The following CADM2 variants were observed in gnomAD, a reference collection of about 807,000 sequenced individuals.
CADM2 encodes cell adhesion molecule 2.
Under a neutral mutation model 49.8 loss-of-function variants are expected in CADM2, and 12 were observed. The observed-to-expected ratio is 0.24, with a 90% CI of 0.15 to 0.39. The LOEUF (loss-of-function observed/expected upper bound fraction) is 0.39. Ranked by LOEUF, CADM2 falls within the 10% of genes least tolerant of loss-of-function variation. The probability of loss-of-function intolerance (pLI) is 1.00; values close to 1 mark genes in which losing one functional copy is unlikely to be tolerated. For synonymous variants in CADM2, 214 were observed against 175.4 expected, an observed-to-expected ratio of 1.22 and a Z score of -1.74; for missense variants, 378 against 492.3, an observed-to-expected ratio of 0.77 and a Z score of 2.20.
chr3:85,729,074 C>A (rs1169576841), intron 2 of CADM2, among the ~76,000 whole-genome samples: 1 of 152,114 alleles, frequency 6.6e-6, no homozygotes, highest in African/African-American at 2.4e-5. Context: ...AATTATTCTC[C>A]AATGGCCAAA....
chr3:85,062,476 T>A (rs1261694303), intron 1 of CADM2, among the ~76,000 whole-genome samples: 2 of 152,050 alleles, frequency 1.3e-5, no homozygotes, highest in East Asian at 1.9e-4. Context: ...AATATTCCAT[T>A]TAAGAGAACC....
chr3:86,059,712 A>T (rs924584682), intron 8 of CADM2, among the ~76,000 whole-genome samples: 3 of 152,288 alleles, frequency 2.0e-5, no homozygotes, highest in Non-Finnish European at 2.9e-5. Flanking sequence ...ATGAAATAGG[A>T]GGTAGATGTG....
chr3:85,619,947 C>T (rs997028653), intron 1 of CADM2, among the ~76,000 whole-genome samples: 16 of 152,158 alleles, frequency 1.1e-4, no homozygotes, highest in African/African-American at 3.9e-4. Context: ...ACTTGTCAAC[C>T]GATAAAAATC....
chr3:85,170,399 C>T (rs534606842), intron 1 of CADM2, among the ~76,000 whole-genome samples: 233 of 149,724 alleles, frequency 1.6e-3, no homozygotes, highest in Non-Finnish European at 2.9e-3. Flanking sequence ...AGTGCAGTGG[C>T]GCGATCTCAG....
At chr3:85,567,681 G>A (rs936074527) in intron 1 of CADM2, among the ~76,000 whole-genome samples, 36 of 152,044 alleles carry the variant, frequency 2.4e-4, no homozygotes, top group Admixed American at 1.0e-3. Flanking sequence ...TAAGTGAGAA[G>A]GCAATTTTTA....
intron 8 of CADM2, among the ~76,000 whole-genome samples, chr3:86,052,084 A>T (rs945445183): frequency 1.3e-5 from 2 of 152,216 alleles, no homozygotes; most frequent in African/African-American, 4.8e-5. Context: ...AAGGTAGGAG[A>T]AAAGAATTAA....
intron 2 of CADM2, among the ~76,000 whole-genome samples, chr3:85,770,003 AAAAACAGC>A (rs1459807674): frequency 6.6e-6 from 1 of 151,958 alleles, no homozygotes; most frequent in African/African-American, 2.4e-5. Context: ...AACAAACAAA[AAAAACAGC>A]ATTTCTTCAG....
intron 1 of CADM2, among the ~76,000 whole-genome samples, chr3:85,659,715 T>G (rs2065340033): frequency 6.6e-6 from 1 of 152,158 alleles, no homozygotes; most frequent in Admixed American, 6.6e-5. Flanking sequence ...CAGGCCTTAA[T>G]GCACATATGT....
chr3:85,989,948 G>T (rs913190309), intron 8 of CADM2, among the ~76,000 whole-genome samples: 1 of 112,840 alleles, frequency 8.9e-6, no homozygotes, highest in South Asian at 3.1e-4. Context: ...GGAAGGGGAG[G>T]TTACAGTGAG....
intron 1 of CADM2, among the ~76,000 whole-genome samples, chr3:85,174,944 T>C (rs2040737105): frequency 6.6e-6 from 1 of 151,952 alleles, no homozygotes; most frequent in African/African-American, 2.4e-5. Flanking sequence ...ACAAGCAAAC[T>C]TTTTTTTAGT....
intron 1 of CADM2, among the ~76,000 whole-genome samples, chr3:84,993,387 G>A (rs1205396536): frequency 6.6e-6 from 1 of 152,164 alleles, no homozygotes; most frequent in Non-Finnish European, 1.5e-5. Flanking sequence ...ACCATATGGA[G>A]TAGTTTCTTG....
chr3:85,470,174 C>T (rs934686181), intron 1 of CADM2, among the ~76,000 whole-genome samples: 8 of 152,136 alleles, frequency 5.3e-5, no homozygotes, highest in African/African-American at 1.9e-4. Context: ...TCTAACAGTG[C>T]TTTTGGAGAA....
At chr3:85,913,410 ATTT>A (rs1717883408) in intron 6 of CADM2, among the ~76,000 whole-genome samples, 1 of 152,198 alleles carries the variant, frequency 6.6e-6, no homozygotes, top group African/African-American at 2.4e-5. Context: ...TGTTTTCTCT[ATTT>A]GTGATAAAAT....
intron 8 of CADM2, among the ~76,000 whole-genome samples, chr3:86,003,249 G>A (rs561182695): frequency 2.6e-5 from 4 of 152,260 alleles, no homozygotes; most frequent in Non-Finnish European, 2.9e-5. Context: ...AACTGACTAC[G>A]TGTACCTGCA....
chr3:85,260,895 A>G (rs1297441903), intron 1 of CADM2, among the ~76,000 whole-genome samples: 1 of 152,156 alleles, frequency 6.6e-6, no homozygotes, highest in African/African-American at 2.4e-5. Context: ...ATCCGTGAGG[A>G]TATCTCTAAT....
chr3:85,203,611 C>T (rs1394389930), intron 1 of CADM2, among the ~76,000 whole-genome samples: 1 of 152,032 alleles, frequency 6.6e-6, no homozygotes, highest in Non-Finnish European at 1.5e-5. Flanking sequence ...ATGAAGTGAG[C>T]ATATGCTTTT....
intron 1 of CADM2, among the ~76,000 whole-genome samples, chr3:84,995,014 T>C (rs1002829317): frequency 5.3e-5 from 8 of 152,096 alleles, no homozygotes; most frequent in Admixed American, 2.0e-4. Flanking sequence ...TGGGCGACAG[T>C]GTGAGACTCT....
At chr3:85,637,807 A>G (rs1390306544) in intron 1 of CADM2, among the ~76,000 whole-genome samples, 1 of 152,086 alleles carries the variant, frequency 6.6e-6, no homozygotes, top group Non-Finnish European at 1.5e-5. Flanking sequence ...CCTACCATTC[A>G]AGACTGCTTT....
intron 1 of CADM2, among the ~76,000 whole-genome samples, chr3:85,404,269 T>C (rs1023747105): frequency 6.6e-6 from 1 of 152,126 alleles, no homozygotes; most frequent in Non-Finnish European, 1.5e-5. Context: ...TAGCATTCCT[T>C]CACTTTGTGA....
Sources: allele counts gnomAD v4.1 joint callset (sites outside exome capture counted in the v4.1 genomes callset), GRCh38; gene constraint gnomAD v4.1.1; transcripts MANE v1.5; gene names NCBI Gene and HGNC (gene_info 2026-07-23, HGNC 2026-07-21).